Variants in TSHZ2 observed in about 807,000 individuals in gnomAD.
TSHZ2 encodes the protein teashirt zinc finger homeobox 2.
In TSHZ2, 21 loss-of-function variants were observed where a neutral mutation model predicts 74.4. That is an observed-to-expected ratio of 0.28 (90% CI 0.20 to 0.41). The LOEUF (loss-of-function observed/expected upper bound fraction) is 0.41. Ranked by LOEUF, TSHZ2 falls within the 10% of genes least tolerant of loss-of-function variation. The pLI is 1.00. For missense variants in TSHZ2, 1,244 were observed against 1,293.5 expected (o/e 0.96, Z 0.59); for synonymous variants, 540 against 515.3 (o/e 1.05, Z -0.65).
chr20:53,387,206 C>CT (rs1232506907), intron 2 of TSHZ2, among the ~76,000 whole-genome samples: 2 of 152,194 alleles, frequency 1.3e-5, no homozygotes, highest in Non-Finnish European at 2.9e-5. Flanking sequence ...TCTCACTTTC[C>CT]ACTAACAAAC....
chr20:53,197,962 A>G (rs762080682), intron 1 of TSHZ2, among the ~76,000 whole-genome samples: 58 of 152,338 alleles, frequency 3.8e-4, no homozygotes, highest in Non-Finnish European at 6.6e-4. Context: ...GACAGGCAAT[A>G]AAGTTTCTCT....
At chr20:53,216,663 G>T (rs1272068185) in intron 1 of TSHZ2, among the ~76,000 whole-genome samples, 1 of 152,208 alleles carries the variant, frequency 6.6e-6, no homozygotes, top group Non-Finnish European at 1.5e-5. Flanking sequence ...TCTCAAAGGT[G>T]CATGGAGCCC....
chr20:53,074,434 G>A lies in TSHZ2; in HGVS notation c.40+101101G>A, dbSNP rs1335930817. On this transcript the variant is annotated intron_variant, in intron 1 of 2. Transcript: ENST00000371497. This position sits in a 1 kb window ranked among gnomAD's most constrained non-coding sequence, Gnocchi z 5.9. Reference sequence around the variant, plus strand: ...AGGAAGTGGGCTGGCCAGAATACAAGTCAGAATGAGATGGATGCAGTACGA... The same window carrying A: ...AGGAAGTGGGCTGGCCAGAATACAAATCAGAATGAGATGGATGCAGTACGA... Among the ~76,000 whole-genome samples, 1 of 152,188 alleles carries A rather than the reference G, an allele frequency of 6.6e-6. No individual in the cohort carries two copies. Among genetic ancestry groups the A allele is most frequent in the Non-Finnish European group, 1.5e-5 (1 of 68,042 alleles).
rs1990496142 is a variant in TSHZ2 at position 53,256,957 on chromosome 20, A to G, written c.*8+386A>G. ...CCATTTCACCACCCCACCTTTCCAT[A>G]GCAATGCCAATGACTTATAAAGTGA... On this transcript the variant is annotated intron_variant, in intron 2 of 2. Coordinates refer to ENST00000371497, the MANE Select transcript of TSHZ2 (RefSeq NM_173485.6). The surrounding 1 kb of genome is among the most constrained non-coding windows in gnomAD (Gnocchi z 4.3). Among the ~76,000 whole-genome samples the G allele has an allele frequency of 6.6e-6, 1 of 152,230 alleles. No individual in the cohort carries two copies.
chr20:53,070,440 G>A (rs776555978), intron 1 of TSHZ2, among the ~76,000 whole-genome samples: 4 of 152,216 alleles, frequency 2.6e-5, no homozygotes, highest in Non-Finnish European at 4.4e-5. Context: ...CTGCGCTTTC[G>A]AAATTATCTG....
intron 1 of TSHZ2, among the ~76,000 whole-genome samples, chr20:53,143,924 A>AT (rs1192144796): frequency 6.6e-6 from 1 of 152,028 alleles, no homozygotes; most frequent in East Asian, 1.9e-4. Flanking sequence ...AAACTCAGGG[A>AT]TTGGAGTTTT....
chr20:53,043,628 A>C (rs1028461406), intron 1 of TSHZ2, among the ~76,000 whole-genome samples: 19 of 152,218 alleles, frequency 1.2e-4, no homozygotes, highest in African/African-American at 3.9e-4. Context: ...AGATCAAATC[A>C]AAGTCACAAC....
intron 1 of TSHZ2, among the ~76,000 whole-genome samples, chr20:53,214,305 A>G (rs1264415522): frequency 6.6e-6 from 1 of 152,200 alleles, no homozygotes; most frequent in Non-Finnish European, 1.5e-5. Context: ...ACAAATAAGT[A>G]TAAAATATGT....
At chr20:53,123,464 A>G (rs1430845720) in intron 1 of TSHZ2, among the ~76,000 whole-genome samples, 2 of 152,238 alleles carry the variant, frequency 1.3e-5, no homozygotes, top group Non-Finnish European at 1.5e-5. Flanking sequence ...AGCCTCAACT[A>G]TGATGGCTAG....
intron 1 of TSHZ2, among the ~76,000 whole-genome samples, chr20:52,997,184 T>G (rs1185059434): frequency 1.3e-5 from 2 of 152,176 alleles, no homozygotes; most frequent in African/African-American, 4.8e-5. Context: ...TTCTTCGTCC[T>G]GTCCCCTCAA....
intron 2 of TSHZ2, among the ~76,000 whole-genome samples, chr20:53,368,089 C>T (rs1448708437): frequency 6.6e-6 from 1 of 152,120 alleles, no homozygotes; most frequent in Non-Finnish European, 1.5e-5. Flanking sequence ...AGACCCATGA[C>T]AGCAGCTTGT....
At chr20:53,020,750 T>C (rs1433853406) in intron 1 of TSHZ2, among the ~76,000 whole-genome samples, 1 of 152,226 alleles carries the variant, frequency 6.6e-6, no homozygotes, top group East Asian at 1.9e-4. Flanking sequence ...GTTTACACTG[T>C]GATACTGTGT....
intron 2 of TSHZ2, among the ~76,000 whole-genome samples, chr20:53,280,660 TG>T (rs1446704904): frequency 4.9e-5 from 7 of 143,144 alleles, no homozygotes; most frequent in African/African-American, 1.8e-4. Context: ...TTTGTTTGTT[TG>T]TTTTTTGTTG....
chr20:53,160,668 C>G (rs954961631), intron 1 of TSHZ2, among the ~76,000 whole-genome samples: 3 of 148,622 alleles, frequency 2.0e-5, no homozygotes, highest in African/African-American at 7.6e-5. Flanking sequence ...TCTCTTAAAC[C>G]CGGGAGGTGG....
At chr20:53,012,453 T>C (rs980003928) in intron 1 of TSHZ2, among the ~76,000 whole-genome samples, 3 of 152,088 alleles carry the variant, frequency 2.0e-5, no homozygotes, top group Non-Finnish European at 4.4e-5. Flanking sequence ...CCCAAATGAA[T>C]CAGGATTTTC....
At chr20:53,388,995 C>G (rs1178201812) in intron 2 of TSHZ2, among the ~76,000 whole-genome samples, 1 of 152,178 alleles carries the variant, frequency 6.6e-6, no homozygotes, top group East Asian at 1.9e-4. Context: ...TAATTCTCTT[C>G]CAGTGGATGA....
chr20:53,400,704 C>A (rs911734655), intron 2 of TSHZ2, among the ~76,000 whole-genome samples: 4 of 152,130 alleles, frequency 2.6e-5, no homozygotes, highest in African/African-American at 9.7e-5. Context: ...CTAATGAATA[C>A]TCTCAGCTGG....
intron 2 of TSHZ2, among the ~76,000 whole-genome samples, chr20:53,363,065 A>C (rs1412712811): frequency 4.6e-5 from 7 of 152,212 alleles, no homozygotes; most frequent in Non-Finnish European, 1.0e-4. Context: ...GTGCACAGTG[A>C]GTGGGTGGAC....
intron 2 of TSHZ2, among the ~76,000 whole-genome samples, chr20:53,362,946 G>C (rs1397717349): frequency 6.6e-6 from 1 of 152,208 alleles, no homozygotes; most frequent in Non-Finnish European, 1.5e-5. Flanking sequence ...CCACCCTCAG[G>C]TGCTGCTATT....
Sources: allele counts gnomAD v4.1 joint callset (sites outside exome capture counted in the v4.1 genomes callset), GRCh38; gene constraint gnomAD v4.1.1; non-coding constraint Gnocchi (gnomAD v3.1); transcripts MANE v1.5; gene names NCBI Gene and HGNC (gene_info 2026-07-23, HGNC 2026-07-21).